The following SPATA16 variants were observed in gnomAD, a reference collection of about 807,000 sequenced individuals.
SPATA16 encodes spermatogenesis-associated protein 16.
A neutral mutation model predicts 63.3 loss-of-function variants in SPATA16; 36 were observed. That is an observed-to-expected ratio of 0.57 (90% CI 0.44 to 0.75). The LOEUF (loss-of-function observed/expected upper bound fraction) is 0.75. SPATA16 is among the 30% of genes least tolerant of loss of function. The pLI, the probability that SPATA16 is intolerant of heterozygous loss-of-function variation, is 0.00. For missense variants in SPATA16, 646 were observed against 679.3 expected (o/e 0.95, Z 0.54); for synonymous variants, 203 against 216.7 (o/e 0.94, Z 0.56).
chr3:172,936,561 T>A (rs1352586889), intron 6 of SPATA16, among the ~76,000 whole-genome samples: 2 of 152,226 alleles, frequency 1.3e-5, no homozygotes, highest in Non-Finnish European at 2.9e-5. Flanking sequence ...GTTGCTATTA[T>A]GTTGCTAAAT....
At chr3:173,094,693 T>C (rs1737307628) in intron 2 of SPATA16, among the ~76,000 whole-genome samples, 1 of 151,462 alleles carries the variant, frequency 6.6e-6, no homozygotes, top group South Asian at 2.1e-4. Flanking sequence ...TTTTTTTTTT[T>C]TTGGCTTTTA....
chr3:172,910,794 G>A (rs1176598093), intron 10 of SPATA16, among the ~76,000 whole-genome samples: 1 of 152,160 alleles, frequency 6.6e-6, no homozygotes, highest in Non-Finnish European at 1.5e-5. Context: ...TCTAAGCCAT[G>A]ATTTCAGCTA....
chr3:173,068,358 G>A (rs6766715), intron 2 of SPATA16, among the ~76,000 whole-genome samples: 28,329 of 152,116 alleles, frequency 0.19, 3,001 homozygotes, highest in African/African-American at 0.29. Context: ...GAAAACGGTT[G>A]AAGTGTAGAA....
intron 5 of SPATA16, among the ~76,000 whole-genome samples, chr3:172,964,309 C>G (rs1297503832): frequency 5.9e-5 from 9 of 152,120 alleles, no homozygotes; most frequent in Admixed American, 5.9e-4. Context: ...ACATATATAA[C>G]TTATAAATAG....
intron 2 of SPATA16, among the ~76,000 whole-genome samples, chr3:173,114,672 T>C (rs1036365898): frequency 6.6e-6 from 1 of 152,230 alleles, no homozygotes; most frequent in Non-Finnish European, 1.5e-5. Context: ...GTATCCACAC[T>C]CAAATACTTG....
intron 3 of SPATA16, among the ~76,000 whole-genome samples, chr3:173,026,481 T>C (rs1162315700): frequency 2.6e-5 from 4 of 151,938 alleles, no homozygotes; most frequent in Non-Finnish European, 5.9e-5. Context: ...GTTTATACCT[T>C]TAAAATATAC....
At chr3:173,044,745 A>G (rs1735918992) in intron 3 of SPATA16, among the ~76,000 whole-genome samples, 1 of 152,122 alleles carries the variant, frequency 6.6e-6, no homozygotes, top group African/African-American at 2.4e-5. Flanking sequence ...TATTTCCTGA[A>G]AAATATGTTA....
rs374104848 is a variant in SPATA16, at chr3:172,929,936, A to C, written c.1082-4444T>G. 2.0e-3 allele frequency among the ~76,000 whole-genome samples: 299 copies of C among 152,222 alleles called. 12 individuals carry two copies. In the South Asian group the frequency reaches 0.055, roughly 28 times the overall value. ...TTATGAGGAAAGCCATTATTCACCCAATTATTCTGGCTTAAAAATTTGAAG... is the reference window on the plus strand; with the variant it reads ...TTATGAGGAAAGCCATTATTCACCCCATTATTCTGGCTTAAAAATTTGAAG... On this transcript the variant is annotated intron_variant, in intron 6 of 10. Transcript: ENST00000351008.
intron 6 of SPATA16, among the ~76,000 whole-genome samples, chr3:172,935,301 A>G (rs772625959): frequency 4.6e-5 from 7 of 152,210 alleles, no homozygotes; most frequent in African/African-American, 7.2e-5. Flanking sequence ...GCGAATAGCC[A>G]CTCAAAAATA....
intron 6 of SPATA16, among the ~76,000 whole-genome samples, chr3:172,936,065 T>C (rs1217186724): frequency 3.3e-5 from 5 of 152,196 alleles, no homozygotes; most frequent in Admixed American, 2.0e-4. Flanking sequence ...GGTGGTGTGG[T>C]ATCATAGAAA....
intron 2 of SPATA16, among the ~76,000 whole-genome samples, chr3:173,107,697 G>T (rs959949910): frequency 6.6e-5 from 10 of 152,116 alleles, no homozygotes; most frequent in African/African-American, 2.4e-4. Flanking sequence ...CATTAAAGTG[G>T]ATCTCATCTA....
intron 2 of SPATA16, among the ~76,000 whole-genome samples, chr3:173,115,135 G>T (rs972505091): frequency 1.3e-5 from 2 of 152,134 alleles, no homozygotes; most frequent in East Asian, 3.9e-4. Flanking sequence ...CAAGCATTAT[G>T]CAGTACAATT....
intron 5 of SPATA16, among the ~76,000 whole-genome samples, chr3:172,965,456 T>A (rs1165602990): frequency 1.3e-5 from 2 of 152,058 alleles, no homozygotes; most frequent in Non-Finnish European, 2.9e-5. Flanking sequence ...GCTCATGACC[T>A]TGGTGGTGTG....
Position 173,084,612 on chromosome 3 carries a change from G to A in SPATA16, c.612+32508C>T, listed in dbSNP as rs143606662. Among the ~76,000 whole-genome samples the A allele has an allele frequency of 7.9e-5, 12 of 152,216 alleles. 1 individual carries two copies. Among genetic ancestry groups the A allele is most frequent in the African/African-American group, 2.9e-4 (12 of 41,540 alleles). On this transcript the variant is annotated intron_variant, in intron 2 of 10. Coordinates refer to ENST00000351008, the MANE Select transcript of SPATA16 (RefSeq NM_031955.6). ...TTTGCCTGTCTCTATGTCCTGAATG[G>A]TATTGCCTAGATTTTCTACTAGAGT...
intron 2 of SPATA16, among the ~76,000 whole-genome samples, chr3:173,103,132 A>AT (rs1737534559): frequency 6.6e-6 from 1 of 152,238 alleles, no homozygotes; most frequent in African/African-American, 2.4e-5. Context: ...AGGAAGCTCT[A>AT]TGCCTGGGGC....
At position 172,889,540 on chromosome 3, in the gene SPATA16, A is replaced by G. The variant is rs1731850682; in HGVS notation, c.*30T>C. The G allele has an allele frequency of 3.1e-6, 5 of 1,613,058 alleles. No homozygotes were observed. In the East Asian group the frequency reaches 1.1e-4, roughly 36 times the overall value. ...ATGCCCTTGCCTCTTCTTCTGGGAT[A>G]TCTTAGTGGTAGTGCCTGCTCCCTA... On this transcript the variant is annotated 3_prime_UTR_variant, in exon 11 of 11. Coordinates refer to ENST00000351008, the MANE Select transcript of SPATA16 (RefSeq NM_031955.6).
chr3:173,080,022 C>T (rs1736889664), intron 2 of SPATA16, among the ~76,000 whole-genome samples: 1 of 152,130 alleles, frequency 6.6e-6, no homozygotes, highest in African/African-American at 2.4e-5. Flanking sequence ...TGCCCCCTAC[C>T]ACACTATATC....
intron 4 of SPATA16, among the ~76,000 whole-genome samples, chr3:173,017,804 A>G (rs1735226842): frequency 6.6e-6 from 1 of 152,254 alleles, no homozygotes; most frequent in Non-Finnish European, 1.5e-5. Context: ...GCTATTTTGC[A>G]GATGGCTGTT....
intron 5 of SPATA16, among the ~76,000 whole-genome samples, chr3:172,961,063 CTTCTTTCT>C (rs1278411759): frequency 0.034 from 973 of 28,758 alleles, 56 homozygotes; most frequent in African/African-American, 0.094. Context: ...TTCTTTCTTT[CTTCTTTCT>C]TCCTTCCTTC....
Sources: allele counts gnomAD v4.1 joint callset (sites outside exome capture counted in the v4.1 genomes callset), GRCh38; gene constraint gnomAD v4.1.1; transcripts MANE v1.5; gene names NCBI Gene and HGNC (gene_info 2026-07-23, HGNC 2026-07-21).